PACRG: variants seen among roughly 807,000 people sequenced by gnomAD.
The protein encoded by PACRG is parkin coregulated gene protein.
PACRG carries 29 observed loss-of-function variants against 29.7 expected under a neutral mutation model. That is an observed-to-expected ratio of 0.98 (90% confidence interval 0.73 to 1.33). The LOEUF is 1.33. Ranked by LOEUF, PACRG falls within the 40% of genes most tolerant of loss-of-function variation. The pLI, the probability that PACRG is intolerant of heterozygous loss-of-function variation, is 0.00. For synonymous variants in PACRG, 116 were observed against 118.7 expected (o/e 0.98, Z 0.15); for missense variants, 279 against 316.2 (o/e 0.88, Z 0.89).
chr6:163,006,225 T>G (rs1805102170), intron 2 of PACRG, among the ~76,000 whole-genome samples: 1 of 144,842 alleles, frequency 6.9e-6, no homozygotes, highest in African/African-American at 2.5e-5. Context: ...TATATATATG[T>G]ATATATATGG....
chr6:163,125,286 A>C (rs963532278), intron 4 of PACRG, among the ~76,000 whole-genome samples: 1 of 152,220 alleles, frequency 6.6e-6, no homozygotes, highest in African/African-American at 2.4e-5. Flanking sequence ...AAAAATATTA[A>C]ATCTATAAAA....
chr6:163,236,109 A>C lies in PACRG; in HGVS notation c.614-78718A>C, dbSNP rs539017848. ...AGCAATGGCTACAAGATACTTTGAA[A>C]GATGGTGGGATATGCCACACAGGGT... On this transcript the variant is annotated intron_variant, in intron 4 of 4. Transcript: ENST00000366888. 1.1e-4 allele frequency among the ~76,000 whole-genome samples: 16 copies of C among 147,578 alleles called. No individual in the cohort carries two copies. The East Asian group carries it at 2.6e-3, about 24-fold the overall frequency.
intron 4 of PACRG, among the ~76,000 whole-genome samples, chr6:163,133,621 A>G (rs1816819448): frequency 6.6e-6 from 1 of 152,202 alleles, no homozygotes; most frequent in Non-Finnish European, 1.5e-5. Flanking sequence ...GCCACAAGCA[A>G]AGAGATGCTG....
At chr6:162,760,688 G>A (rs1277931155) in intron 1 of PACRG, among the ~76,000 whole-genome samples, 2 of 152,078 alleles carry the variant, frequency 1.3e-5, no homozygotes, top group Non-Finnish European at 2.9e-5. Flanking sequence ...ATAGTGGGAC[G>A]TTTAGAAAGT....
intron 4 of PACRG, among the ~76,000 whole-genome samples, chr6:163,263,424 C>G (rs1783413870): frequency 6.6e-6 from 1 of 152,164 alleles, no homozygotes; most frequent in East Asian, 1.9e-4. Flanking sequence ...TCAGCACGTA[C>G]AGAACACGCT....
At chr6:163,186,595 G>A (rs1310231603) in intron 4 of PACRG, among the ~76,000 whole-genome samples, 2 of 152,076 alleles carry the variant, frequency 1.3e-5, no homozygotes, top group African/African-American at 2.4e-5. Flanking sequence ...TCCTCTGGCC[G>A]CTTCTGGCAG....
intron 2 of PACRG, among the ~76,000 whole-genome samples, chr6:162,838,692 C>T (rs547024112): frequency 8.6e-5 from 13 of 151,386 alleles, no homozygotes; most frequent in Non-Finnish European, 1.9e-4. Flanking sequence ...GCTGCACCCA[C>T]TAACTGGTCA....
chr6:162,925,025 A>G (rs1445751342), intron 2 of PACRG, among the ~76,000 whole-genome samples: 1 of 152,184 alleles, frequency 6.6e-6, no homozygotes, highest in Non-Finnish European at 1.5e-5. Flanking sequence ...ATCAGAGAAC[A>G]CTATAAACAT....
intron 4 of PACRG, among the ~76,000 whole-genome samples, chr6:163,219,497 G>GAGTT (rs1781490407): frequency 6.6e-6 from 1 of 152,158 alleles, no homozygotes; most frequent in Admixed American, 6.5e-5. Context: ...CTATGCAAAA[G>GAGTT]AGTTATCTTT....
At chr6:162,737,938 T>G (rs1454014450) in intron 1 of PACRG, among the ~76,000 whole-genome samples, 3 of 152,152 alleles carry the variant, frequency 2.0e-5, no homozygotes, top group African/African-American at 7.2e-5. Flanking sequence ...TTGCATGTAT[T>G]TTATTTTAAT....
intron 4 of PACRG, among the ~76,000 whole-genome samples, chr6:163,149,260 T>C (rs10945873): frequency 6.6e-6 from 1 of 151,892 alleles, no homozygotes; most frequent in Admixed American, 6.5e-5. Context: ...CCGCGGGCGC[T>C]GGCCGCTTCC....
chr6:163,102,865 GGTTT>G (rs200942501), intron 4 of PACRG, among the ~76,000 whole-genome samples: 49 of 152,232 alleles, frequency 3.2e-4, no homozygotes, highest in African/African-American at 8.7e-4. Context: ...TGAAAGCTAG[GGTTT>G]GTTTGTTTGT....
intron 4 of PACRG, 45 bp from the exon 5 acceptor site, chr6:163,314,782 A>C (rs751578150): frequency 6.3e-7 from 1 of 1,595,046 alleles, no homozygotes; most frequent in Non-Finnish European, 8.5e-7. Flanking sequence ...TTTTCGGGAA[A>C]TTGCAGAGAA....
At chr6:163,028,790 T>C (rs1807382981) in intron 2 of PACRG, among the ~76,000 whole-genome samples, 1 of 152,232 alleles carries the variant, frequency 6.6e-6, no homozygotes, top group African/African-American at 2.4e-5. Flanking sequence ...TTTGTCACTC[T>C]AATTCCAAGT....
At chr6:162,975,760 T>TCCTTCTTCTCTCCCTC (rs1445603448) in intron 2 of PACRG, among the ~76,000 whole-genome samples, 2 of 112,974 alleles carry the variant, frequency 1.8e-5, no homozygotes, top group Admixed American at 8.9e-5. Flanking sequence ...CTTTAGCAGG[T>TCCTTCTTCTCTCCCTC]CCTTCTTCTC....
chr6:163,218,044 A>T (rs1359137779), intron 4 of PACRG, among the ~76,000 whole-genome samples: 1 of 152,204 alleles, frequency 6.6e-6, no homozygotes, highest in Non-Finnish European at 1.5e-5. Flanking sequence ...GATGCCAAAA[A>T]GGCTGGGGCC....
At chr6:162,793,003 G>T (rs1447395695) in intron 1 of PACRG, among the ~76,000 whole-genome samples, 1 of 152,166 alleles carries the variant, frequency 6.6e-6, no homozygotes, top group Non-Finnish European at 1.5e-5. Flanking sequence ...GTAGGCTGGG[G>T]CTCAGCTGGA....
chr6:162,772,717 G>C (rs988205500), intron 1 of PACRG, among the ~76,000 whole-genome samples: 3 of 152,124 alleles, frequency 2.0e-5, no homozygotes, highest in African/African-American at 7.2e-5. Context: ...ACAAAGAGTA[G>C]GCTAGAGAAA....
chr6:163,172,429 C>A (rs2128347947), intron 4 of PACRG, among the ~76,000 whole-genome samples: 1 of 152,248 alleles, frequency 6.6e-6, no homozygotes, highest in African/African-American at 2.4e-5. Flanking sequence ...GAAAGTTGCC[C>A]CAGAGAAAGC....
Sources: gnomAD v4.1 joint callset for allele counts (sites outside exome capture counted in the v4.1 genomes callset) on GRCh38, gnomAD v4.1.1 for gene constraint, MANE v1.5 for transcripts, NCBI Gene and HGNC (gene_info 2026-07-23, HGNC 2026-07-21) for gene names.